The following HAT1 variants were observed in gnomAD, a reference collection of about 807,000 sequenced individuals.
The protein encoded by HAT1 is histone acetyltransferase type B catalytic subunit.
HAT1 carries 20 observed loss-of-function variants against 56.6 expected under a neutral mutation model. The ratio of observed to expected loss-of-function variants is 0.35; its 90% CI spans 0.25 to 0.51. HAT1 has a LOEUF of 0.51. HAT1 is among the 20% of genes least tolerant of loss of function. HAT1 has a pLI of 0.95. For synonymous variants in HAT1, 146 were observed against 165.5 expected (o/e 0.88, Z 0.91); for missense variants, 408 against 504.3 (o/e 0.81, Z 1.83).
chr2:171,961,045 G>A (rs529375221), intron 4 of HAT1, among the ~76,000 whole-genome samples: 16 of 152,222 alleles, frequency 1.1e-4, no homozygotes, highest in African/African-American at 3.4e-4. Flanking sequence ...AGGAGGGTGA[G>A]GCAGGAGAAT....
chr2:171,976,257 A>C lies in HAT1; in HGVS notation c.924A>C (p.Gly308=). The change falls in exon 9 of 11, where the codon GGA becomes GGC. Residue 308 remains glycine, a synonymous_variant. Coordinates refer to ENST00000264108, the MANE Select transcript of HAT1 (RefSeq NM_003642.4). ...PCFSREKLMQ[G]FNEDMVIEAQ... ...TTTCCCGGGAAAAATTAATGCAAGG[A>C]TTCAATGAAGATATGGTGATAGAGG... 6.3e-7 allele frequency: 1 copy of C among 1,597,950 alleles called. No homozygotes were observed. The highest frequency in any genetic ancestry group is 8.5e-7 in the Non-Finnish European group (1 of 1,170,862).
chr2:171,975,521 T>A (rs1687936977), intron 8 of HAT1, among the ~76,000 whole-genome samples: 1 of 152,236 alleles, frequency 6.6e-6, no homozygotes, highest in African/African-American at 2.4e-5. Flanking sequence ...TGTGGGAAGA[T>A]TTTTAGTTGG....
chr2:171,970,485 C>T (rs1401154005), intron 8 of HAT1, among the ~76,000 whole-genome samples: 1 of 128,166 alleles, frequency 7.8e-6, no homozygotes, highest in African/African-American at 3.2e-5. Flanking sequence ...TCAGTATTAG[C>T]AATGCAGTTT....
intron 3 of HAT1, among the ~76,000 whole-genome samples, chr2:171,947,008 G>GTATTATTTA (rs1172292287): frequency 2.0e-4 from 30 of 152,168 alleles, no homozygotes; most frequent in African/African-American, 7.0e-4. Flanking sequence ...CAGTATTAAT[G>GTATTATTTA]ATGGTATTAT....
intron 2 of HAT1, among the ~76,000 whole-genome samples, chr2:171,940,126 C>T (rs888281819): frequency 2.3e-4 from 35 of 152,276 alleles, no homozygotes; most frequent in South Asian, 4.1e-4. Context: ...TCATGGCAGC[C>T]ACTTCGTCCA....
At chr2:171,947,350 G>A (rs971296124) in intron 3 of HAT1, among the ~76,000 whole-genome samples, 19 of 152,078 alleles carry the variant, frequency 1.2e-4, no homozygotes, top group African/African-American at 4.3e-4. Flanking sequence ...AACCTCCTGG[G>A]CATAAGCAGT....
intron 2 of HAT1, among the ~76,000 whole-genome samples, chr2:171,929,604 T>C (rs574050888): frequency 6.6e-6 from 1 of 152,366 alleles, no homozygotes; most frequent in African/African-American, 2.4e-5. Context: ...TTTTAGCTTA[T>C]TAAAATTATG....
chr2:171,933,704 C>T (rs1475828351), intron 2 of HAT1, among the ~76,000 whole-genome samples: 1 of 152,122 alleles, frequency 6.6e-6, no homozygotes, highest in Non-Finnish European at 1.5e-5. Flanking sequence ...ATATTTGGGA[C>T]TTTTCTAGCT....
At position 171,965,395 on chromosome 2, in the gene HAT1, A is replaced by C. The variant is rs761370596; in HGVS notation, c.367A>C (p.Thr123Pro). 1.2e-6 allele frequency: 2 copies of C among 1,612,238 alleles called. No individual in the cohort carries two copies. Among genetic ancestry groups the C allele is most frequent in the Admixed American group, 3.3e-5 (2 of 59,996 alleles). Residue 123 changes from threonine to proline, a missense_variant, in exon 5 of 11, where the codon ACG (threonine) becomes CCG (proline). Thr to Pro is a conservative substitution (Grantham distance 38). Coordinates refer to ENST00000264108, the MANE Select transcript of HAT1 (RefSeq NM_003642.4). The part of the protein sequence containing the change: ...QIIPPGFCTN[T>P]NDFLSLLEKE... ...CATTCCACCTGGATTTTGCACAAAC[A>C]CGAATGATTTCCTTTCTTTACTGGA...
At chr2:171,974,205 A>AAAAAAAAAAAAAACAAAAAAT (rs1687903956) in intron 8 of HAT1, among the ~76,000 whole-genome samples, 1 of 75,696 alleles carries the variant, frequency 1.3e-5, no homozygotes, top group Non-Finnish European at 3.0e-5. Flanking sequence ...AAAAAAGAAA[A>AAAAAAAAAAAAAACAAAAAAT]AGAAAAAAAA....
At chr2:171,936,617 G>A (rs547204433) in intron 2 of HAT1, among the ~76,000 whole-genome samples, 1 of 152,184 alleles carries the variant, frequency 6.6e-6, no homozygotes. Flanking sequence ...AGAGTGTGAT[G>A]GGATTAATTA....
intron 9 of HAT1, among the ~76,000 whole-genome samples, chr2:171,978,427 A>G (rs1198639053): frequency 6.6e-6 from 1 of 152,016 alleles, no homozygotes; most frequent in Non-Finnish European, 1.5e-5. Flanking sequence ...TCCTCAGGTG[A>G]CCTTAACCAG....
At chr2:171,943,912 GCT>G (rs1372814939) in intron 2 of HAT1, among the ~76,000 whole-genome samples, 2 of 151,944 alleles carry the variant, frequency 1.3e-5, no homozygotes, top group East Asian at 3.9e-4. Flanking sequence ...ACTTTGGGAG[GCT>G]GAAGTGGAGG....
intron 2 of HAT1, among the ~76,000 whole-genome samples, chr2:171,931,974 C>A (rs190430287): frequency 3.3e-5 from 5 of 152,280 alleles, no homozygotes; most frequent in Non-Finnish European, 7.4e-5. Context: ...CATATGTGCC[C>A]TTTATCAGGT....
intron 4 of HAT1, among the ~76,000 whole-genome samples, chr2:171,953,796 A>G (rs1157462816): frequency 6.6e-6 from 1 of 152,012 alleles, no homozygotes; most frequent in East Asian, 1.9e-4. Context: ...GGAGTTCAAG[A>G]CCAGTCTGGC....
chr2:171,933,129 C>T (rs1018705764), intron 2 of HAT1, among the ~76,000 whole-genome samples: 3 of 152,120 alleles, frequency 2.0e-5, no homozygotes, highest in Admixed American at 2.0e-4. Context: ...GTGATCATGG[C>T]TCACTGTAGC....
In HAT1 at chr2:171,965,909, G is replaced by T; in HGVS notation, c.611+1G>T. 6.2e-7 allele frequency: 1 copy of T among 1,612,306 alleles called. No homozygotes were observed. The highest frequency in any genetic ancestry group is 8.5e-7 in the Non-Finnish European group (1 of 1,178,700). ...ATGAAAGATGGCACTACTTTCTAGTGTAAGTACAGTTCTAAAGCAACAGTA... is the reference window on the plus strand; with the variant it reads ...ATGAAAGATGGCACTACTTTCTAGTTTAAGTACAGTTCTAAAGCAACAGTA... On this transcript the variant is annotated splice_donor_variant, in intron 6 of 10. Transcript: ENST00000264108. LOFTEE classifies it high-confidence loss of function.
intron 2 of HAT1, among the ~76,000 whole-genome samples, chr2:171,927,128 G>A (rs1223607365): frequency 6.6e-6 from 1 of 152,230 alleles, no homozygotes; most frequent in African/African-American, 2.4e-5. Flanking sequence ...TTGCACAGTG[G>A]AGCGCAGAGT....
chr2:171,925,665 T>C, intron 2 of HAT1, 24 bp downstream of exon 2: 1 of 935,142 alleles, frequency 1.1e-6, no homozygotes, highest in Non-Finnish European at 1.8e-6. Flanking sequence ...TTCTAAGTGA[T>C]GTTATGTACA....
Sources: gnomAD v4.1 joint callset for allele counts (sites outside exome capture counted in the v4.1 genomes callset) on GRCh38, gnomAD v4.1.1 for gene constraint, MANE v1.5 for transcripts, NCBI Gene and HGNC (gene_info 2026-07-23, HGNC 2026-07-21) for gene names.